Variants in TRPM3 observed in about 807,000 individuals in gnomAD.
The protein encoded by TRPM3 is transient receptor potential cation channel subfamily M member 3, also known as long transient receptor potential channel 3.
Under a neutral mutation model 181.2 loss-of-function variants are expected in TRPM3, and 77 were observed. The observed-to-expected ratio is 0.42, with a 90% CI of 0.35 to 0.51. The LOEUF (loss-of-function observed/expected upper bound fraction) is 0.51, where lower values mean the gene tolerates loss of function less well. Among genes scored for constraint, TRPM3 ranks in the 20% least tolerant of loss-of-function variants. The probability of loss-of-function intolerance (pLI) is 0.01; values close to 1 mark genes in which losing one functional copy is unlikely to be tolerated. For missense variants in TRPM3, 1,759 were observed against 2,196.7 expected, an observed-to-expected ratio of 0.80 and a Z score of 3.98; for synonymous variants, 745 against 796.4, an observed-to-expected ratio of 0.94 and a Z score of 1.09.
intron 6 of TRPM3, among the ~76,000 whole-genome samples, chr9:70,790,122 A>G (rs2085003529): frequency 6.6e-6 from 1 of 152,192 alleles, no homozygotes; most frequent in African/African-American, 2.4e-5. Context: ...TAAAATTTCA[A>G]TCAAACTAAA....
intron 1 of TRPM3, among the ~76,000 whole-genome samples, chr9:71,435,974 T>C (rs1181320833): frequency 6.6e-6 from 1 of 152,186 alleles, no homozygotes; most frequent in Non-Finnish European, 1.5e-5. Context: ...TGATATGGCT[T>C]GGCTGTGTCC....
intron 8 of TRPM3, among the ~76,000 whole-genome samples, chr9:70,686,607 T>G (rs865777088): frequency 0.4 from 31,630 of 80,048 alleles, 6,141 homozygotes; most frequent in East Asian, 0.5. Flanking sequence ...CCTCCCTCCC[T>G]CCCGCCCTTC....
intron 1 of TRPM3, among the ~76,000 whole-genome samples, chr9:71,169,647 A>G (rs1463425044): frequency 6.6e-6 from 1 of 151,990 alleles, no homozygotes; most frequent in Admixed American, 6.6e-5. Context: ...GGAAAAATAT[A>G]TACTGATATA....
intron 1 of TRPM3, among the ~76,000 whole-genome samples, chr9:70,992,942 T>C (rs1434009595): frequency 6.6e-6 from 1 of 152,084 alleles, no homozygotes; most frequent in Admixed American, 6.6e-5. Context: ...TCAGAAACAT[T>C]CTGCAATGGG....
rs577071077 is a variant in TRPM3 at position 70,627,138 on chromosome 9, A to G, written c.1633-1621T>C. On this transcript the variant is annotated intron_variant, in intron 12 of 25. Coordinates refer to ENST00000677713, the MANE Select transcript of TRPM3 (RefSeq NM_001366145.2). ...TCCCTGGTTGGAATAGCCCTAGTTC[A>G]CTATGGAAATTTGCTCTGAAATACA... Among the ~76,000 whole-genome samples the G allele has an allele frequency of 4.6e-5, 7 of 152,274 alleles. No homozygotes were observed. In the East Asian group the frequency reaches 1.2e-3, roughly 25 times the overall value.
At chr9:71,394,024 G>A (rs572137105) in intron 1 of TRPM3, among the ~76,000 whole-genome samples, 5 of 152,240 alleles carry the variant, frequency 3.3e-5, no homozygotes, top group African/African-American at 7.2e-5. Context: ...ATGTACACAC[G>A]TCTGAGAAGA....
chr9:71,012,686 C>G (rs1279597206), intron 1 of TRPM3, among the ~76,000 whole-genome samples: 1 of 151,702 alleles, frequency 6.6e-6, no homozygotes, highest in African/African-American at 2.4e-5. Flanking sequence ...CATATTATTC[C>G]TTTTAATTCC....
rs147651986 is a variant in TRPM3, at chr9:71,408,866, T to G, written c.183+37787A>C. ...GGGCAGCCAGAGAGAAAGGTCGGGT[T>G]ACCCACAAAGGGAAGCCCATCGGAC... On this transcript the variant is annotated intron_variant, in intron 1 of 24. Coordinates refer to the TRPM3 transcript ENST00000357533. Among the ~76,000 whole-genome samples the G allele has an allele frequency of 8.0e-3, 1,223 of 152,276 alleles. 15 individuals are homozygous for G. The highest frequency in any genetic ancestry group is 0.028 in the African/African-American group (1,170 of 41,542).
chr9:70,787,763 C>CTTTTTTTTTTTTTTTTTTTTGTTTTTTT (rs2084054300), intron 6 of TRPM3, among the ~76,000 whole-genome samples: 21 of 68,554 alleles, frequency 3.1e-4, no homozygotes, highest in Non-Finnish European at 4.5e-4. Flanking sequence ...TTTTTGGATT[C>CTTTTTTTTTTTTTTTTTTTTGTTTTTTT]TTTTTTTTTT....
intron 1 of TRPM3, among the ~76,000 whole-genome samples, chr9:70,866,013 T>A (rs967168756): frequency 6.6e-6 from 1 of 152,024 alleles, no homozygotes; most frequent in Non-Finnish European, 1.5e-5. Flanking sequence ...ATTTTTCTTT[T>A]CAAACAAGTA....
At chr9:70,867,063 C>A (rs542115806) in intron 1 of TRPM3, among the ~76,000 whole-genome samples, 1 of 152,140 alleles carries the variant, frequency 6.6e-6, no homozygotes, top group East Asian at 1.9e-4. Context: ...ACAGAGCTGG[C>A]TCCCAGAGAC....
rs67870195 is a variant in TRPM3, at chr9:71,237,060, A to AG, written c.183+209592dup. Among the ~76,000 whole-genome samples, 428 of 139,016 alleles carry AG rather than the reference A, an allele frequency of 3.1e-3. 6 individuals are homozygous for AG. Among genetic ancestry groups the AG allele is most frequent in the African/African-American group, 0.011 (403 of 36,206 alleles). The allele number at this position is 139,016 out of a possible 152,430, so 91.2% of individuals were successfully genotyped here. On this transcript the variant is annotated intron_variant, in intron 1 of 24. Transcript: ENST00000357533. ...AGACTCCATCAAAAAAAAAAAAAAA[A>AG]GGGGGGGGGAAAAAAAGAAAGGAAA...
At chr9:70,817,150 T>C (rs1409813713) in intron 6 of TRPM3, among the ~76,000 whole-genome samples, 1 of 152,236 alleles carries the variant, frequency 6.6e-6, no homozygotes, top group Non-Finnish European at 1.5e-5. Flanking sequence ...TAGCTGGCTA[T>C]GCATTTGTCC....
intron 1 of TRPM3, among the ~76,000 whole-genome samples, chr9:70,967,983 A>G (rs1053445708): frequency 1.3e-5 from 2 of 152,114 alleles, no homozygotes; most frequent in Non-Finnish European, 2.9e-5. Context: ...GCCCTGCTCA[A>G]GTCACATCTC....
intron 1 of TRPM3, among the ~76,000 whole-genome samples, chr9:70,972,880 GCATGGATTGACATTACC>G (rs1716116505): frequency 6.6e-6 from 1 of 152,088 alleles, no homozygotes; most frequent in Non-Finnish European, 1.5e-5. Flanking sequence ...AGGATCAGAA[GCATGGATTGACATTACC>G]CACAATTTCT....
intron 1 of TRPM3, among the ~76,000 whole-genome samples, chr9:71,303,784 G>A (rs1171737840): frequency 3.3e-5 from 5 of 151,994 alleles, no homozygotes; most frequent in Non-Finnish European, 5.9e-5. Flanking sequence ...GAACATAAAG[G>A]TGTTACATTA....
intron 1 of TRPM3, among the ~76,000 whole-genome samples, chr9:71,194,421 C>T (rs748348947): frequency 9.2e-5 from 14 of 151,922 alleles, no homozygotes; most frequent in Non-Finnish European, 1.9e-4. Context: ...TGAATTTTAG[C>T]CAACAGAACT....
intron 8 of TRPM3, among the ~76,000 whole-genome samples, chr9:70,746,302 T>C (rs950085074): frequency 1.7e-4 from 26 of 152,146 alleles, no homozygotes; most frequent in Non-Finnish European, 3.4e-4. Context: ...ATGAAACTTA[T>C]TTAAAAATCA....
In TRPM3 at chr9:70,536,211, G is replaced by A. The variant is rs1244908101; in HGVS notation, c.4902C>T (p.Thr1634=). 1 of 1,614,088 alleles carries A rather than the reference G, an allele frequency of 6.2e-7. No homozygotes were observed. The highest frequency in any genetic ancestry group is 1.1e-5 in the South Asian group (1 of 91,088). Residue 1634 remains threonine (T), a synonymous_variant, in exon 26 of 26, where the codon ACC becomes ACT. Coordinates refer to ENST00000677713, the MANE Select transcript of TRPM3 (RefSeq NM_001366145.2). ...TGGGAACAGTGATGTTGTTGGACAGGGTTCTCTCTGAGTTATCACCCTCCT... is the reference window on the plus strand; with the variant it reads ...TGGGAACAGTGATGTTGTTGGACAGAGTTCTCTCTGAGTTATCACCCTCCT... The part of the protein sequence containing the change: ...SSQEGDNSER[T]LSNNITVPKI...
Sources: allele counts gnomAD v4.1 joint callset (sites outside exome capture counted in the v4.1 genomes callset), GRCh38; gene constraint gnomAD v4.1.1; transcripts MANE v1.5; gene names NCBI Gene and HGNC (gene_info 2026-07-23, HGNC 2026-07-21).